The following CYP3A4 variants were observed in gnomAD, a reference collection of about 807,000 sequenced individuals.
CYP3A4 encodes the protein cytochrome P450 3A4.
In CYP3A4, 41 loss-of-function variants were observed where a neutral mutation model predicts 54.9. The ratio of observed to expected loss-of-function variants is 0.75; its 90% CI spans 0.58 to 0.97. CYP3A4 has a LOEUF of 0.97. CYP3A4 is among the 50% of genes least tolerant of loss of function. The probability of loss-of-function intolerance (pLI) is 0.00; values close to 1 mark genes in which losing one functional copy is unlikely to be tolerated. For missense variants in CYP3A4, 510 were observed against 597.3 expected, an observed-to-expected ratio of 0.85 and a Z score of 1.52; for synonymous variants, 179 against 205.2, an observed-to-expected ratio of 0.87 and a Z score of 1.09.
Position 99,772,607 on chromosome 7 carries a change from C to G in CYP3A4, c.301G>C (p.Val101Leu). The change falls in exon 4 of 13, where the codon GTC becomes CTC. Residue 101 changes from valine (V) to leucine (L), a missense_variant. Coordinates refer to ENST00000651514, the MANE Select transcript of CYP3A4 (RefSeq NM_017460.6). Reference sequence around the variant, plus strand: ...ATGCTTACCCTCCGGTTTGTGAAGACAGAATAACATTCTTTCACTAGCACT... The same window carrying G: ...ATGCTTACCCTCCGGTTTGTGAAGAGAGAATAACATTCTTTCACTAGCACT... The part of the protein sequence containing the change: ...KTVLVKECYS[V>L]FTNRRPFGPV... The G allele has an allele frequency of 3.1e-6, 5 of 1,612,916 alleles. No individual in the cohort carries two copies. Among genetic ancestry groups the G allele is most frequent in the Non-Finnish European group, 4.2e-6 (5 of 1,179,402 alleles).
chr7:99,770,190 C>T lies in CYP3A4; in HGVS notation c.364G>A (p.Glu122Lys). Residue 122 changes from glutamate (E) to lysine (K), a missense_variant, in exon 5 of 13, where the codon GAG becomes AAG. This residue lies in a region of CYP3A4 where 272 missense variants were observed against 274.9 expected (regional missense o/e 0.99). Coordinates refer to ENST00000651514, the MANE Select transcript of CYP3A4 (RefSeq NM_017460.6). ...CGTAATCTCTTCCATTCTTCATCCT[C>T]AGCTATAGAGATGGCACTTTTCATA... ...GFMKSAISIAEDEEWKRLRSL... is the reference protein window; with the variant it reads ...GFMKSAISIAKDEEWKRLRSL... The T allele has an allele frequency of 6.2e-7, 1 of 1,613,826 alleles. No homozygotes were observed. Among genetic ancestry groups the T allele is most frequent in the Non-Finnish European group, 8.5e-7 (1 of 1,179,804 alleles).
At chr7:99,780,240 T>C in intron 1 of CYP3A4, 155 bp from the exon 2 acceptor site, 1 of 735,052 alleles carries the variant, frequency 1.4e-6, no homozygotes, top group Non-Finnish European at 2.2e-6. Flanking sequence ...TGATTATATT[T>C]GTTCATCAGG....
chr7:99,757,122 C>T lies in CYP3A4; in HGVS notation c.*1011G>A, dbSNP rs562115782. The T allele has an allele frequency of 6.6e-6, 1 of 152,216 alleles. No individual in the cohort carries two copies. Among genetic ancestry groups the T allele is most frequent in the East Asian group, 1.9e-4 (1 of 5,172 alleles). The allele number at this position is 152,216 out of a possible 1,614,324, so 9.4% of individuals were successfully genotyped here. ...ATGGGCTGAAAACATTAAATCAAAACTAATAATATAATAAGAGCTTCAGTT... is the reference window on the plus strand; with the variant it reads ...ATGGGCTGAAAACATTAAATCAAAATTAATAATATAATAAGAGCTTCAGTT... On this transcript the variant is annotated 3_prime_UTR_variant, in exon 13 of 13. Transcript: ENST00000651514.
chr7:99,772,458 T>TC (rs1431880370), intron 4 of CYP3A4, 132 bp downstream of exon 4: 1 of 1,062,550 alleles, frequency 9.4e-7, no homozygotes, highest in Non-Finnish European at 1.4e-6. Context: ...ATGTTACCAT[T>TC]CGGGGGGGAC....
intron 3 of CYP3A4, among the ~76,000 whole-genome samples, chr7:99,776,479 G>A (rs935546639): frequency 6.6e-6 from 1 of 152,154 alleles, no homozygotes; most frequent in African/African-American, 2.4e-5. Flanking sequence ...AAGAAAATGT[G>A]CCACGTATAC....
chr7:99,759,733 C>T (rs1815268878), intron 12 of CYP3A4, among the ~76,000 whole-genome samples: 1 of 152,028 alleles, frequency 6.6e-6, no homozygotes, highest in African/African-American at 2.4e-5. Flanking sequence ...AATAACAGAG[C>T]AGAGAAGTAA....
At chr7:99,758,329 C>T (rs1815234233) in intron 12 of CYP3A4, 101 bp from the exon 13 acceptor site, 1 of 1,340,464 alleles carries the variant, frequency 7.5e-7, no homozygotes. Flanking sequence ...TGAGGGGACA[C>T]AACAGAGTGA....
intron 3 of CYP3A4, 143 bp from the exon 4 acceptor site, chr7:99,772,832 A>C (rs1815668450): frequency 3.6e-6 from 3 of 834,582 alleles, no homozygotes; most frequent in Non-Finnish European, 5.6e-6. Flanking sequence ...CTAGTTCATT[A>C]GGTATGACAC....
intron 9 of CYP3A4, among the ~76,000 whole-genome samples, chr7:99,764,328 T>C (rs1321635301): frequency 6.6e-6 from 1 of 152,206 alleles, no homozygotes; most frequent in Admixed American, 6.5e-5. Flanking sequence ...CTCAGTGTTA[T>C]GGGTGTGTTC....
chr7:99,781,658 G>A (rs1411808826), intron 1 of CYP3A4, among the ~76,000 whole-genome samples: 1 of 152,176 alleles, frequency 6.6e-6, no homozygotes, highest in Non-Finnish European at 1.5e-5. Context: ...GTCCCACAAG[G>A]TTGGCCCCAG....
At chr7:99,765,914 C>T (rs2151557080) in intron 9 of CYP3A4, among the ~76,000 whole-genome samples, 1 of 152,278 alleles carries the variant, frequency 6.6e-6, no homozygotes, top group South Asian at 2.1e-4. Flanking sequence ...CCTTTTGGAA[C>T]AGCGTGGCTC....
intron 8 of CYP3A4, 121 bp downstream of exon 8, chr7:99,767,010 A>T: frequency 1.1e-6 from 1 of 885,050 alleles, no homozygotes; most frequent in Non-Finnish European, 1.7e-6. Context: ...TCTAAACATG[A>T]GCAGTCTTCA....
At position 99,758,106 on chromosome 7, in the gene CYP3A4, G is replaced by A. The variant is rs192313684; in HGVS notation, c.*27C>T. The stretch of plus-strand genomic sequence containing the variant: ...TGTTCTCAGGCACAGATTTCTTGAA[G>A]AGCAAAGCAGAAGTCCTTAGGAAAA... On this transcript the variant is annotated 3_prime_UTR_variant, in exon 13 of 13. Coordinates refer to ENST00000651514, the MANE Select transcript of CYP3A4 (RefSeq NM_017460.6). 6 of 1,584,052 alleles carry A rather than the reference G, an allele frequency of 3.8e-6. No homozygotes were observed. In the African/African-American group the frequency reaches 6.7e-5, roughly 18 times the overall value.
chr7:99,765,307 C>T (rs1815446195), intron 9 of CYP3A4, among the ~76,000 whole-genome samples: 1 of 152,156 alleles, frequency 6.6e-6, no homozygotes, highest in African/African-American at 2.4e-5. Flanking sequence ...GCTCAATAGC[C>T]ATATGTGTCT....
At chr7:99,763,426 A>G (rs1185219509) in intron 10 of CYP3A4, among the ~76,000 whole-genome samples, 1 of 152,220 alleles carries the variant, frequency 6.6e-6, no homozygotes, top group East Asian at 1.9e-4. Flanking sequence ...TGTAACCAAG[A>G]AAATAAAAAG....
rs1815299952 is a variant in CYP3A4 at position 99,760,804 on chromosome 7, A to G, written c.1416+15T>C. Reference sequence around the variant, plus strand: ...ATTATTAATACAACATTATTTTTATAGAAAATTGACTAACCTGTGTTTCTT... The same window carrying G: ...ATTATTAATACAACATTATTTTTATGGAAAATTGACTAACCTGTGTTTCTT... On this transcript the variant is annotated intron_variant, in intron 12 of 12. Coordinates refer to ENST00000651514, the MANE Select transcript of CYP3A4 (RefSeq NM_017460.6). 2 of 1,612,730 alleles carry G rather than the reference A, an allele frequency of 1.2e-6. No homozygotes were observed. The highest frequency in any genetic ancestry group is 8.5e-7 in the Non-Finnish European group (1 of 1,179,136).
At chr7:99,761,163 T>C (rs1815315347) in intron 11 of CYP3A4, among the ~76,000 whole-genome samples, 182 bp from the exon 12 acceptor site, 1 of 152,214 alleles carries the variant, frequency 6.6e-6, no homozygotes, top group Non-Finnish European at 1.5e-5. Context: ...ACAGATCCTT[T>C]CTACTCTCCT....
chr7:99,766,539 G>T, intron 8 of CYP3A4, 96 bp from the exon 9 acceptor site: 2 of 1,489,362 alleles, frequency 1.3e-6, no homozygotes, highest in Non-Finnish European at 1.9e-6. Flanking sequence ...CTGAGAATAT[G>T]GCTCCTTGAA....
At chr7:99,759,439 CACAT>C (rs1815260844) in intron 12 of CYP3A4, among the ~76,000 whole-genome samples, 2 of 152,162 alleles carry the variant, frequency 1.3e-5, no homozygotes, top group African/African-American at 2.4e-5. Flanking sequence ...CACACACACA[CACAT>C]GCATATGCAC....
Sources: allele counts gnomAD v4.1 joint callset (sites outside exome capture counted in the v4.1 genomes callset), GRCh38; gene constraint gnomAD v4.1.1; regional missense constraint gnomAD v4.1.1; transcripts MANE v1.5; gene names NCBI Gene and HGNC (gene_info 2026-07-23, HGNC 2026-07-21).